TRAPPC9: variants seen among roughly 807,000 people sequenced by gnomAD.
TRAPPC9 encodes the protein IKK2 binding protein.
In TRAPPC9, 83 loss-of-function variants were observed where a neutral mutation model predicts 124.0. The observed-to-expected ratio is 0.67, with a 90% CI of 0.56 to 0.80. The LOEUF (loss-of-function observed/expected upper bound fraction) is 0.80. Ranked by LOEUF, TRAPPC9 falls within the 30% of genes least tolerant of loss-of-function variation. The probability of loss-of-function intolerance (pLI) is 0.00; values close to 1 mark genes in which losing one functional copy is unlikely to be tolerated. For missense variants in TRAPPC9, 1,302 were observed against 1,508.3 expected, an observed-to-expected ratio of 0.86 and a Z score of 2.27; for synonymous variants, 638 against 617.5, an observed-to-expected ratio of 1.03 and a Z score of -0.49.
chr8:140,200,619 G>A (rs2062765518), intron 17 of TRAPPC9, among the ~76,000 whole-genome samples: 1 of 151,926 alleles, frequency 6.6e-6, no homozygotes, highest in Admixed American at 6.6e-5. Flanking sequence ...AAAATGAGGC[G>A]CAATCTACAA....
intron 5 of TRAPPC9, among the ~76,000 whole-genome samples, chr8:140,408,503 C>A (rs1373678290): frequency 6.6e-6 from 1 of 152,068 alleles, no homozygotes; most frequent in Non-Finnish European, 1.5e-5. Flanking sequence ...GCCTTTCTCT[C>A]CTAGAGAGAA....
At chr8:139,880,970 G>C (rs766938731) in intron 21 of TRAPPC9, 11 of 152,224 alleles carry the variant, frequency 7.2e-5, no homozygotes, top group Non-Finnish European at 1.3e-4. Flanking sequence ...ATGCCTTTCA[G>C]ATCTTAGCAT....
At chr8:140,383,828 C>A (rs1204340310) in intron 7 of TRAPPC9, among the ~76,000 whole-genome samples, 2 of 152,136 alleles carry the variant, frequency 1.3e-5, no homozygotes, top group Non-Finnish European at 2.9e-5. Flanking sequence ...CAAAGATACT[C>A]CTCAAGAAGA....
At chr8:140,413,401 T>C (rs1378321237) in intron 5 of TRAPPC9, among the ~76,000 whole-genome samples, 1 of 150,774 alleles carries the variant, frequency 6.6e-6, no homozygotes, top group Non-Finnish European at 1.5e-5. Flanking sequence ...AAAATAATAA[T>C]AAATAAATAA....
chr8:140,101,532 C>CTTGTTTTTTT (rs2060577722), intron 17 of TRAPPC9, among the ~76,000 whole-genome samples: 1 of 78,720 alleles, frequency 1.3e-5, no homozygotes, highest in Non-Finnish European at 2.2e-5. Context: ...GTAGGGTTTT[C>CTTGTTTTTTT]TTTTTTTTGT....
chr8:140,370,091 G>GTGT (rs567914813), intron 8 of TRAPPC9, among the ~76,000 whole-genome samples: 10,495 of 152,008 alleles, frequency 0.069, 925 homozygotes, highest in African/African-American at 0.21. Context: ...TAAAGAAAAA[G>GTGT]TGTATGTTTC....
At chr8:139,988,595 G>A (rs748272482) in intron 19 of TRAPPC9, 131 bp downstream of exon 19, 80 of 689,496 alleles carry the variant, frequency 1.2e-4, no homozygotes, top group African/African-American at 1.6e-4. Context: ...TAGTCACTAC[G>A]GTATCTCTGA....
chr8:139,779,316 GA>G (rs1317868672), intron 21 of TRAPPC9, among the ~76,000 whole-genome samples: 17 of 152,132 alleles, frequency 1.1e-4, no homozygotes, highest in Non-Finnish European at 1.5e-5. Context: ...TACAAAAGCA[GA>G]AGGCATTCAG....
At chr8:140,044,138 G>A (rs775365589) in intron 17 of TRAPPC9, among the ~76,000 whole-genome samples, 2 of 152,166 alleles carry the variant, frequency 1.3e-5, no homozygotes, top group Non-Finnish European at 2.9e-5. Flanking sequence ...GCTGACCCCA[G>A]TGCCATCCCC....
chr8:140,378,570 C>T (rs372524801), intron 7 of TRAPPC9, among the ~76,000 whole-genome samples: 8 of 152,192 alleles, frequency 5.3e-5, no homozygotes, highest in South Asian at 2.1e-4. Flanking sequence ...TAATAAACTC[C>T]CCTTTATATA....
intron 17 of TRAPPC9, among the ~76,000 whole-genome samples, chr8:140,173,809 A>T (rs893379134): frequency 2.2e-4 from 33 of 152,330 alleles, no homozygotes; most frequent in African/African-American, 7.7e-4. Context: ...AATATCAGAG[A>T]CAGCAAAATA....
chr8:140,345,056 G>A (rs889408316), intron 9 of TRAPPC9, among the ~76,000 whole-genome samples: 1 of 152,240 alleles, frequency 6.6e-6, no homozygotes, highest in Admixed American at 6.5e-5. Flanking sequence ...AGAGGGAAGC[G>A]AAGGCAGGGT....
At chr8:139,969,905 C>T (rs1372354792) in intron 19 of TRAPPC9, among the ~76,000 whole-genome samples, 4 of 152,302 alleles carry the variant, frequency 2.6e-5, no homozygotes, top group African/African-American at 4.8e-5. Flanking sequence ...TTGGTTTTGC[C>T]GCCAACAGTT....
At chr8:139,900,064 G>A (rs1459557280) in intron 20 of TRAPPC9, among the ~76,000 whole-genome samples, 3 of 152,134 alleles carry the variant, frequency 2.0e-5, no homozygotes, top group Non-Finnish European at 2.9e-5. Flanking sequence ...AGGTGATCCC[G>A]TCACTCGCTG....
At chr8:139,906,758 C>G (rs1184204976) in intron 20 of TRAPPC9, among the ~76,000 whole-genome samples, 1 of 152,212 alleles carries the variant, frequency 6.6e-6, no homozygotes, top group Non-Finnish European at 1.5e-5. Context: ...CGCTCAGGCC[C>G]TCACGGTCCC....
At chr8:140,038,389 A>G (rs993646894) in intron 17 of TRAPPC9, among the ~76,000 whole-genome samples, 1 of 152,248 alleles carries the variant, frequency 6.6e-6, no homozygotes, top group African/African-American at 2.4e-5. Flanking sequence ...TCAAGTCAGG[A>G]CGATGAGAAG....
At chr8:139,919,884 CA>C (rs1300463157) in intron 19 of TRAPPC9, among the ~76,000 whole-genome samples, 1 of 152,226 alleles carries the variant, frequency 6.6e-6, no homozygotes, top group Non-Finnish European at 1.5e-5. Context: ...ATGACCCGCT[CA>C]GACTCCAGGC....
Position 139,730,933 on chromosome 8 carries a change from G to C in TRAPPC9, c.*128C>G. 1 of 1,046,204 alleles carries C rather than the reference G, an allele frequency of 9.6e-7. No individual in the cohort carries two copies. The highest frequency in any genetic ancestry group is 1.4e-6 in the Non-Finnish European group (1 of 720,954). The allele number at this position is 1,046,204 out of a possible 1,614,324, so 64.8% of individuals were successfully genotyped here. On this transcript the variant is annotated 3_prime_UTR_variant, in exon 23 of 23. Coordinates refer to ENST00000438773, the MANE Select transcript of TRAPPC9 (RefSeq NM_001160372.4). The stretch of plus-strand genomic sequence containing the variant: ...GCTACAGGAGGAACAGGAGGAGAGG[G>C]CTGGGAGGGGTCTGGGGGAGGAGGA...
chr8:139,874,883 C>G (rs1255607635), intron 21 of TRAPPC9, among the ~76,000 whole-genome samples: 1 of 152,134 alleles, frequency 6.6e-6, no homozygotes, highest in Non-Finnish European at 1.5e-5. Context: ...CGCGCATAAC[C>G]GGGGGCAGGG....
Sources: allele counts gnomAD v4.1 joint callset (sites outside exome capture counted in the v4.1 genomes callset), GRCh38; gene constraint gnomAD v4.1.1; transcripts MANE v1.5; gene names NCBI Gene and HGNC (gene_info 2026-07-23, HGNC 2026-07-21).